Variants in FSD1L observed in about 807,000 individuals in gnomAD.
FSD1L encodes the protein fibronectin type III and SPRY domain containing 1 like, also known as FSD1-like protein.
In FSD1L, 45 loss-of-function variants were observed where a neutral mutation model predicts 71.6. The ratio of observed to expected loss-of-function variants is 0.63; its 90% CI spans 0.49 to 0.81. The LOEUF (loss-of-function observed/expected upper bound fraction) is 0.81. Among genes scored for constraint, FSD1L ranks in the 30% least tolerant of loss-of-function variants. The pLI, the probability that FSD1L is intolerant of heterozygous loss-of-function variation, is 0.00. For synonymous variants in FSD1L, 197 were observed against 207.2 expected, an observed-to-expected ratio of 0.95 and a Z score of 0.42; for missense variants, 561 against 618.1, an observed-to-expected ratio of 0.91 and a Z score of 0.98.
At chr9:105,525,872 C>T (rs1211184974) in intron 10 of FSD1L, 1 of 1,573,496 alleles carries the variant, frequency 6.4e-7, no homozygotes, top group East Asian at 2.2e-5. Flanking sequence ...GCTACCTCTA[C>T]AGTAGAAGTA....
intron 10 of FSD1L, among the ~76,000 whole-genome samples, chr9:105,515,993 G>A (rs1314170920): frequency 2.0e-5 from 3 of 152,140 alleles, no homozygotes; most frequent in Admixed American, 1.3e-4. Flanking sequence ...GACCTGGGAC[G>A]CTATAGCTTG....
At chr9:105,507,451 T>C (rs1011403657) in intron 8 of FSD1L, among the ~76,000 whole-genome samples, 2 of 152,242 alleles carry the variant, frequency 1.3e-5, no homozygotes, top group Non-Finnish European at 2.9e-5. Flanking sequence ...GTACATCTCA[T>C]TTAATCAGCA....
chr9:105,484,834 T>G (rs559691733), intron 7 of FSD1L, among the ~76,000 whole-genome samples: 1 of 152,288 alleles, frequency 6.6e-6, no homozygotes, highest in South Asian at 2.1e-4. Flanking sequence ...TTGAACAATT[T>G]ACTTAACTTG....
chr9:105,457,027 A>G (rs1271496291), intron 1 of FSD1L, among the ~76,000 whole-genome samples: 1 of 152,202 alleles, frequency 6.6e-6, no homozygotes, highest in African/African-American at 2.4e-5. Context: ...ATAGAATCCC[A>G]TGGGGCAGAT....
At chr9:105,488,670 A>G (rs531476995) in intron 7 of FSD1L, among the ~76,000 whole-genome samples, 10 of 152,154 alleles carry the variant, frequency 6.6e-5, no homozygotes, top group East Asian at 1.9e-4. Context: ...ATTTTCACCA[A>G]TTGGTGGTAT....
chr9:105,531,459 G>A (rs1835890135), intron 10 of FSD1L, among the ~76,000 whole-genome samples: 1 of 152,176 alleles, frequency 6.6e-6, no homozygotes, highest in Non-Finnish European at 1.5e-5. Flanking sequence ...TGGTAAGATA[G>A]TACTAGCAAT....
intron 10 of FSD1L, chr9:105,520,413 T>C: frequency 9.1e-7 from 1 of 1,095,794 alleles, no homozygotes. Flanking sequence ...ATTTTTTACA[T>C]ATATACTATG....
At chr9:105,507,553 C>T (rs758727694) in intron 8 of FSD1L, among the ~76,000 whole-genome samples, 6 of 152,176 alleles carry the variant, frequency 3.9e-5, no homozygotes, top group South Asian at 2.1e-4. Context: ...AAGTTGTTGA[C>T]GGTCCCATAG....
intron 10 of FSD1L, chr9:105,520,271 C>T (rs1835057626): frequency 6.3e-7 from 1 of 1,582,852 alleles, no homozygotes; most frequent in Admixed American, 1.7e-5. Context: ...ATGCATTCAT[C>T]CAGATGCCTG....
intron 5 of FSD1L, among the ~76,000 whole-genome samples, chr9:105,475,559 G>A (rs1021045053): frequency 6.6e-6 from 1 of 152,184 alleles, no homozygotes; most frequent in African/African-American, 2.4e-5. Context: ...AATGTTAGGA[G>A]AGAGGAGAGG....
chr9:105,547,454 T>C lies in FSD1L; in HGVS notation c.*971T>C, dbSNP rs752598368. ...AGGATAGGTTATAAAGGGAGGTACCTAAATACTCAAATAATGTATATATTC... is the reference window on the plus strand; with the variant it reads ...AGGATAGGTTATAAAGGGAGGTACCCAAATACTCAAATAATGTATATATTC... On this transcript the variant is annotated 3_prime_UTR_variant, in exon 14 of 14. Coordinates refer to ENST00000481272, the MANE Select transcript of FSD1L (RefSeq NM_001145313.3). 7.9e-5 allele frequency: 12 copies of C among 152,402 alleles called. No homozygotes were observed. The highest frequency in any genetic ancestry group is 1.5e-4 in the Non-Finnish European group (10 of 67,946). 9.4% of individuals were successfully genotyped at this position (152,402 alleles called of 1,614,324 possible).
intron 10 of FSD1L, among the ~76,000 whole-genome samples, chr9:105,519,351 A>G (rs1453880579): frequency 6.6e-6 from 1 of 152,170 alleles, no homozygotes; most frequent in African/African-American, 2.4e-5. Flanking sequence ...GACACAACAA[A>G]AAAAAATTTC....
intron 5 of FSD1L, among the ~76,000 whole-genome samples, chr9:105,478,666 T>TAA (rs377045516): frequency 1.4e-5 from 2 of 147,150 alleles, no homozygotes; most frequent in African/African-American, 5.0e-5. Context: ...TGTGCTTGCA[T>TAA]AAAAAAAAAA....
chr9:105,486,911 A>G (rs917642555), intron 7 of FSD1L, among the ~76,000 whole-genome samples: 2 of 152,182 alleles, frequency 1.3e-5, no homozygotes, highest in Admixed American at 1.3e-4. Context: ...TTATCTTTCT[A>G]GAAACAGTCT....
chr9:105,506,944 G>A (rs1834090790), intron 8 of FSD1L, among the ~76,000 whole-genome samples: 1 of 151,950 alleles, frequency 6.6e-6, no homozygotes, highest in Non-Finnish European at 1.5e-5. Context: ...GCTAATTTTT[G>A]TATTTGTTGG....
intron 7 of FSD1L, among the ~76,000 whole-genome samples, chr9:105,492,028 A>G (rs1832977831): frequency 6.6e-6 from 1 of 151,880 alleles, no homozygotes; most frequent in East Asian, 1.9e-4. Context: ...TGAGTTAGGG[A>G]GGATTCCTTC....
At chr9:105,531,173 T>C (rs1835872196) in intron 10 of FSD1L, among the ~76,000 whole-genome samples, 1 of 152,208 alleles carries the variant, frequency 6.6e-6, no homozygotes, top group Admixed American at 6.5e-5. Flanking sequence ...ACCAGACATG[T>C]GTTTCTCAAG....
At chr9:105,454,484 A>AT (rs1830243206) in intron 1 of FSD1L, among the ~76,000 whole-genome samples, 1 of 152,206 alleles carries the variant, frequency 6.6e-6, no homozygotes, top group Non-Finnish European at 1.5e-5. Flanking sequence ...GAGTCAATGT[A>AT]TATCTATTTC....
Position 105,457,808 on chromosome 9 carries a change from C to T in FSD1L, c.16-3712C>T, listed in dbSNP as rs537493571. On this transcript the variant is annotated intron_variant, in intron 1 of 13. Coordinates refer to ENST00000481272, the MANE Select transcript of FSD1L (RefSeq NM_001145313.3). ...GTGAGTTTGGGGTCCGGCCACTGTG[C>T]ACAGCCTAGCATGCTGGCTGCTGTG... Among the ~76,000 whole-genome samples, 13 of 152,340 alleles carry T rather than the reference C, an allele frequency of 8.5e-5. No individual in the cohort carries two copies. The South Asian group carries it at 2.7e-3, about 32-fold the overall frequency.
Sources: gnomAD v4.1 joint callset for allele counts (sites outside exome capture counted in the v4.1 genomes callset) on GRCh38, gnomAD v4.1.1 for gene constraint, MANE v1.5 for transcripts, NCBI Gene and HGNC (gene_info 2026-07-23, HGNC 2026-07-21) for gene names.